The following TPTE2 variants were observed in gnomAD, a reference collection of about 807,000 sequenced individuals.
The protein encoded by TPTE2 is transmembrane phosphoinositide 3-phosphatase and tensin homolog 2, also known as phosphatidylinositol 3,4,5-trisphosphate 3-phosphatase TPTE2.
In TPTE2, 53 loss-of-function variants were observed where a neutral mutation model predicts 78.6. The ratio of observed to expected loss-of-function variants is 0.67; its 90% CI spans 0.54 to 0.85. TPTE2 has a LOEUF of 0.85. TPTE2 is among the 40% of genes least tolerant of loss of function. The pLI, the probability that TPTE2 is intolerant of heterozygous loss-of-function variation, is 0.00. For missense variants in TPTE2, 461 were observed against 623.0 expected (o/e 0.74, Z 2.77); for synonymous variants, 175 against 206.2 (o/e 0.85, Z 1.30).
Position 19,514,592 on chromosome 13 carries a change from A to T in TPTE2, c.-43-11315T>A, listed in dbSNP as rs147983107. Among the ~76,000 whole-genome samples, 69 of 126,822 alleles carry T rather than the reference A, an allele frequency of 5.4e-4. 4 individuals carry two copies. In the East Asian group the frequency reaches 0.013, roughly 25 times the overall value. 83.2% of individuals were successfully genotyped at this position (126,822 alleles called of 152,430 possible). A position where few individuals can be genotyped will look rare whatever the true frequency, so the allele number is the denominator to read the frequency against. On this transcript the variant is annotated intron_variant, in intron 1 of 17. Coordinates refer to the TPTE2 transcript ENST00000390680. ...AGGATACAGCACCAGTACTTCTGAG[A>T]GTGTGTGTGTGTGTGTGTGTGTGTG...
At chr13:19,503,391 A>G, upstream of TPTE2, 1 of 1,108,242 alleles carries the variant, frequency 9.0e-7, no homozygotes, top group South Asian at 1.4e-5. Flanking sequence ...TTGACTATTC[A>G]TGTGTATAGC....
chr13:19,475,692 A>G, intron 4 of TPTE2, 69 bp from the exon 8 acceptor site: 1 of 1,478,914 alleles, frequency 6.8e-7, no homozygotes, highest in Non-Finnish European at 9.1e-7. Context: ...CAAAAAACAA[A>G]GGCCTTTATA....
chr13:19,523,038 G>A (rs771879385), intron 1 of TPTE2, among the ~76,000 whole-genome samples: 3 of 152,124 alleles, frequency 2.0e-5, no homozygotes, highest in Non-Finnish European at 4.4e-5. Flanking sequence ...AACAAAGGCT[G>A]GGGGAGCTCT....
rs1877267870 is a variant in TPTE2 at position 19,438,453 on chromosome 13, T to C, written c.974-300A>G. On this transcript the variant is annotated intron_variant, in intron 13 of 19. Transcript: ENST00000400230. Reference sequence around the variant, plus strand: ...AACAATTCATGTCTTTTATAATTTTTTTGGATAATAGTAAAAAAGAAAAAT... The same window carrying C: ...AACAATTCATGTCTTTTATAATTTTCTTGGATAATAGTAAAAAAGAAAAAT... The C allele has an allele frequency of 7.1e-6, 7 of 984,732 alleles. No homozygotes were observed. In the South Asian group the frequency reaches 3.3e-4, roughly 46 times the overall value. 61.0% of individuals were successfully genotyped at this position (984,732 alleles called of 1,614,324 possible). A position where few individuals can be genotyped will look rare whatever the true frequency, so the allele number is the denominator to read the frequency against.
At chr13:19,467,053 C>A (rs1197992042) in intron 7 of TPTE2, among the ~76,000 whole-genome samples, 172 bp downstream of exon 10, 2 of 152,142 alleles carry the variant, frequency 1.3e-5, no homozygotes, top group Non-Finnish European at 2.9e-5. Context: ...CTAAATATCA[C>A]AATCTTTTAG....
At chr13:19,446,330 G>A (rs1338151599) in intron 13 of TPTE2, among the ~76,000 whole-genome samples, 2 of 152,112 alleles carry the variant, frequency 1.3e-5, no homozygotes, top group Non-Finnish European at 2.9e-5. Flanking sequence ...CAAAAGTGTG[G>A]TAGAGAGAAC....
intron 4 of TPTE2, among the ~76,000 whole-genome samples, chr13:19,478,151 T>C (rs1186526670): frequency 2.0e-5 from 3 of 152,028 alleles, no homozygotes; most frequent in Non-Finnish European, 4.4e-5. Context: ...AAAGCCAAAA[T>C]TGACAAACAG....
intron 1 of TPTE2, among the ~76,000 whole-genome samples, chr13:19,527,731 G>A (rs749498794): frequency 2.0e-5 from 3 of 152,146 alleles, no homozygotes; most frequent in Non-Finnish European, 2.9e-5. Context: ...AGGCAGGTGT[G>A]GTGGTGCACC....
At chr13:19,497,187 T>C (rs1249808362) in intron 1 of TPTE2, among the ~76,000 whole-genome samples, 1 of 151,140 alleles carries the variant, frequency 6.6e-6, no homozygotes, top group Non-Finnish European at 1.5e-5. Flanking sequence ...CACAGCAGTC[T>C]GAGATCAAAC....
In TPTE2 at chr13:19,438,126, A is replaced by C. The variant is rs754312077; in HGVS notation, c.1001T>G (p.Leu334Arg). Residue 334 changes from leucine (L) to arginine (R), a missense_variant, in exon 14 of 20, where the codon CTC becomes CGC. Physicochemically the swap from Leu to Arg is moderately radical, Grantham distance 102. Coordinates refer to ENST00000400230, the Ensembl canonical transcript of TPTE2. ...TAAAAATATTTCGGAGGCAATAAGG[A>C]GGGCACAAACCATAGTCCCGGTTCT... The C allele has an allele frequency of 5.0e-6, 8 of 1,610,176 alleles. No homozygotes were observed. The East Asian group carries it at 1.1e-4, about 23-fold the overall frequency.
chr13:19,539,486 C>A (rs1401098880), upstream of TPTE2, among the ~76,000 whole-genome samples: 1 of 152,142 alleles, frequency 6.6e-6, no homozygotes, highest in African/African-American at 2.4e-5. Context: ...GATTGTGAGG[C>A]CTCCCCAGCC....
At chr13:19,449,334 C>T (rs752106928) in intron 13 of TPTE2, among the ~76,000 whole-genome samples, 18 of 151,998 alleles carry the variant, frequency 1.2e-4, no homozygotes, top group Non-Finnish European at 1.8e-4. Flanking sequence ...CCACCACATC[C>T]GGCTAATGTT....
intron 1 of TPTE2, among the ~76,000 whole-genome samples, chr13:19,514,627 GTGTC>G (rs2137703452): frequency 6.7e-6 from 1 of 150,084 alleles, no homozygotes; most frequent in African/African-American, 2.5e-5. Flanking sequence ...GTGTGTGTGT[GTGTC>G]TGTGTGTGAG....
chr13:19,489,063 G>A (rs1426598783), intron 3 of TPTE2, among the ~76,000 whole-genome samples: 3 of 152,104 alleles, frequency 2.0e-5, no homozygotes, highest in Admixed American at 2.0e-4. Context: ...GGAGAAAGAT[G>A]GGGGAATGGC....
At chr13:19,497,493 CTGA>C (rs2137655546) in intron 1 of TPTE2, among the ~76,000 whole-genome samples, 1 of 97,670 alleles carries the variant, frequency 1.0e-5, no homozygotes, top group African/African-American at 3.0e-5. Context: ...TCCCTGACCC[CTGA>C]CCCCTGAGCA....
chr13:19,423,153 G>A, exon 20 of TPTE2: 1 of 1,605,628 alleles, frequency 6.2e-7, no homozygotes. Context: ...TTCATTTCTT[G>A]GTAGACAAAG....
At chr13:19,490,489 A>C (rs1359100021) in intron 3 of TPTE2, among the ~76,000 whole-genome samples, 1 of 152,188 alleles carries the variant, frequency 6.6e-6, no homozygotes, top group Non-Finnish European at 1.5e-5. Flanking sequence ...AAAAAAACTT[A>C]ATGAATCAAG....
At position 19,436,321 on chromosome 13, in the gene TPTE2, A is replaced by G; in HGVS notation, c.1036-15T>C. On this transcript the variant is annotated splice_polypyrimidine_tract_variant and intron_variant, in intron 14 of 19. Transcript: ENST00000400230. ...TATAGGCTTTCCTACAAAAAAGGGT[A>G]CAATCCAACCATGGTTCATCTGCAC... 5.0e-6 allele frequency: 8 copies of G among 1,608,838 alleles called. No individual in the cohort carries two copies. The highest frequency in any genetic ancestry group is 1.7e-5 in the Admixed American group (1 of 59,780).
At chr13:19,539,769 T>C (rs1313923074), upstream of TPTE2, among the ~76,000 whole-genome samples, 2 of 152,228 alleles carry the variant, frequency 1.3e-5, no homozygotes, top group East Asian at 3.8e-4. Flanking sequence ...CCTTGTCCTC[T>C]TTTTCAAGAG....
Sources: allele counts gnomAD v4.1 joint callset (sites outside exome capture counted in the v4.1 genomes callset), GRCh38; gene constraint gnomAD v4.1.1; transcripts MANE v1.5; gene names NCBI Gene and HGNC (gene_info 2026-07-23, HGNC 2026-07-21).